The following NF1 variants were observed in gnomAD, a reference collection of about 807,000 sequenced individuals.
The protein encoded by NF1 is neurofibromin.
In NF1, 122 loss-of-function variants were observed where a neutral mutation model predicts 325.7. The observed-to-expected ratio is 0.37, with a 90% confidence interval of 0.32 to 0.44. The LOEUF is 0.44. Ranked by LOEUF, NF1 falls within the 20% of genes least tolerant of loss-of-function variation. NF1 has a pLI of 1.00. For synonymous variants in NF1, 1,091 were observed against 1,186.0 expected, an observed-to-expected ratio of 0.92 and a Z score of 1.65; for missense variants, 2,140 against 3,415.4, an observed-to-expected ratio of 0.63 and a Z score of 9.31.
chr17:31,373,991 T>C, intron 57 of NF1, 22 bp from the exon 58 acceptor site: 1 of 1,613,926 alleles, frequency 6.2e-7, no homozygotes, highest in Non-Finnish European at 8.5e-7. Context: ...AAGAAGTAAC[T>C]GGCTGTTCTC....
intron 5 of NF1, among the ~76,000 whole-genome samples, chr17:31,180,877 T>C (rs988915095): frequency 1.3e-5 from 2 of 152,200 alleles, no homozygotes; most frequent in Non-Finnish European, 2.9e-5. Context: ...CTCCTTAAGC[T>C]GATAAGCAAC....
chr17:31,116,863 G>GAAAAAAAAAAA, intron 1 of NF1, among the ~76,000 whole-genome samples: 1 of 149,156 alleles, frequency 6.7e-6, no homozygotes, highest in African/African-American at 2.5e-5. Flanking sequence ...TTTTTTAGTA[G>GAAAAAAAAAAA]AGACAGGGTT....
chr17:31,315,786 G>C (rs568667931), intron 36 of NF1, among the ~76,000 whole-genome samples: 1 of 152,276 alleles, frequency 6.6e-6, no homozygotes, highest in South Asian at 2.1e-4. Flanking sequence ...GGTCACTGCG[G>C]GAAACACAGG....
chr17:31,200,286 A>G, intron 8 of NF1, 136 bp from the exon 9 acceptor site: 1 of 754,718 alleles, frequency 1.3e-6, no homozygotes, highest in South Asian at 1.8e-5. Flanking sequence ...AAATTATGAA[A>G]TTGAAAACCA....
At chr17:31,283,242 C>T (rs927254184) in intron 36 of NF1, among the ~76,000 whole-genome samples, 3 of 151,974 alleles carry the variant, frequency 2.0e-5, no homozygotes, top group African/African-American at 7.2e-5. Context: ...ACAGTGAAAT[C>T]CCGTCTCTAC....
At chr17:31,313,415 T>C (rs553084122) in intron 36 of NF1, among the ~76,000 whole-genome samples, 2 of 152,172 alleles carry the variant, frequency 1.3e-5, no homozygotes, top group East Asian at 1.9e-4. Context: ...TTAACAAATA[T>C]GATTGTGGCT....
In NF1 at chr17:31,232,139, A is replaced by T; in HGVS notation, c.3264A>T (p.Glu1088Asp). ...TAGCTGGTCTCCCTCTGCAGCCTGA[A>T]GAAGGAGATGGTGTGGAATTGATGG... ...SLLAGLPLQP[E>D]EGDGVELMEA... Residue 1088 changes from glutamate (E) to aspartate (D), a missense_variant, in exon 25 of 58, where the codon GAA (glutamate) becomes GAT (aspartate). Physicochemically the swap from Glu to Asp is conservative, Grantham distance 45. Transcript: ENST00000358273. The T allele has an allele frequency of 6.2e-7, 1 of 1,610,014 alleles. No individual in the cohort carries two copies.
chr17:31,305,071 C>T (rs1460555896), intron 36 of NF1: 14 of 1,614,070 alleles, frequency 8.7e-6, no homozygotes, highest in Non-Finnish European at 1.2e-5. Context: ...TCCTGGTGTA[C>T]TCCTAGGTGA....
chr17:31,252,821 T>G (rs1226052363), intron 30 of NF1, 117 bp from the exon 31 acceptor site: 1 of 781,386 alleles, frequency 1.3e-6, no homozygotes, highest in Non-Finnish European at 2.1e-6. Flanking sequence ...TTCTAATTTT[T>G]TGTTGATTCC....
intron 51 of NF1, 72 bp downstream of exon 51, chr17:31,352,486 AT>A: frequency 7.2e-7 from 1 of 1,383,688 alleles, no homozygotes; most frequent in Non-Finnish European, 9.7e-7. Flanking sequence ...TTGGAAAATT[AT>A]TTGAAATTTC....
At chr17:31,139,116 C>G (rs1446250845) in intron 1 of NF1, among the ~76,000 whole-genome samples, 1 of 152,120 alleles carries the variant, frequency 6.6e-6, no homozygotes, top group Non-Finnish European at 1.5e-5. Context: ...GGCATGATCT[C>G]AGCTCACTGC....
At chr17:31,173,467 G>A (rs1424657222) in intron 5 of NF1, among the ~76,000 whole-genome samples, 2 of 151,812 alleles carry the variant, frequency 1.3e-5, no homozygotes, top group African/African-American at 2.4e-5. Context: ...GTGGTGGCAC[G>A]TGCCCATAAT....
chr17:31,167,909 A>G (rs572397125), intron 4 of NF1, among the ~76,000 whole-genome samples: 16 of 152,304 alleles, frequency 1.1e-4, no homozygotes, highest in African/African-American at 1.4e-4. Flanking sequence ...AAGTAGGGAT[A>G]TTAAGCAAAT....
chr17:31,101,490 C>T (rs1191395608), intron 1 of NF1, among the ~76,000 whole-genome samples: 1 of 152,100 alleles, frequency 6.6e-6, no homozygotes, highest in Non-Finnish European at 1.5e-5. Context: ...CTCTGTGACC[C>T]AGCAGTCTAT....
At chr17:31,099,602 TA>T (rs1912116180) in intron 1 of NF1, among the ~76,000 whole-genome samples, 1 of 148,790 alleles carries the variant, frequency 6.7e-6, no homozygotes, top group African/African-American at 2.5e-5. Flanking sequence ...TCTTGTCTCC[TA>T]GGCTGGAGTG....
chr17:31,096,039 G>A (rs541460606), intron 1 of NF1, among the ~76,000 whole-genome samples: 1 of 151,720 alleles, frequency 6.6e-6, no homozygotes, highest in Non-Finnish European at 1.5e-5. Flanking sequence ...CCCATATCCT[G>A]ATGACACAGA....
rs1233993511 is a variant in NF1 at position 31,336,494 on chromosome 17, T to A, written c.6147+21T>A. On this transcript the variant is annotated intron_variant, in intron 41 of 57. Coordinates refer to ENST00000358273, the MANE Select transcript of NF1 (RefSeq NM_001042492.3). The surrounding 1 kb of genome is among the most constrained non-coding windows in gnomAD (Gnocchi z 5.5). ...GCAAGGTAATCACTTTTCTTTTGCC[T>A]TCTGTACTATAGCATATCTGTTTTA... The A allele has an allele frequency of 5.0e-6, 8 of 1,614,018 alleles. No individual in the cohort carries two copies. Among genetic ancestry groups the A allele is most frequent in the Admixed American group, 3.3e-5 (2 of 60,022 alleles).
chr17:31,204,560 TGTATTTTACTTTAAAA>T (rs1324526304), intron 11 of NF1, among the ~76,000 whole-genome samples: 5 of 152,090 alleles, frequency 3.3e-5, no homozygotes, highest in African/African-American at 1.2e-4. Context: ...TTTGAAAATG[TGTATTTTACTTTAAAA>T]TGAATATATT....
chr17:31,152,168 A>G (rs1244824203), intron 1 of NF1, among the ~76,000 whole-genome samples: 1 of 98,016 alleles, frequency 1.0e-5, no homozygotes, highest in Non-Finnish European at 3.0e-5. Flanking sequence ...ATGAGAGTCT[A>G]ATTTTTGGGT....
Sources: gnomAD v4.1 joint callset for allele counts (sites outside exome capture counted in the v4.1 genomes callset) on GRCh38, gnomAD v4.1.1 for gene constraint, Gnocchi (gnomAD v3.1) non-coding constraint, MANE v1.5 for transcripts, NCBI Gene and HGNC (gene_info 2026-07-23, HGNC 2026-07-21) for gene names.